The following ADAMTSL3 variants were observed in gnomAD, a reference collection of about 807,000 sequenced individuals.
The protein encoded by ADAMTSL3 is ADAMTS-like protein 3.
Under a neutral mutation model 201.7 loss-of-function variants are expected in ADAMTSL3, and 128 were observed. That is an observed-to-expected ratio of 0.63 (90% confidence interval 0.55 to 0.73). The LOEUF (loss-of-function observed/expected upper bound fraction) is 0.73. ADAMTSL3 is among the 30% of genes least tolerant of loss of function. The pLI is 0.00. For missense variants in ADAMTSL3, 1,990 were observed against 2,119.6 expected (o/e 0.94, Z 1.20); for synonymous variants, 738 against 748.4 (o/e 0.99, Z 0.23).
At chr15:83,858,187 G>C (rs1596321644) in intron 7 of ADAMTSL3, among the ~76,000 whole-genome samples, 1 of 152,230 alleles carries the variant, frequency 6.6e-6, no homozygotes, top group Non-Finnish European at 1.5e-5. Flanking sequence ...GATGTGGCTA[G>C]ATTTGGCCCA....
Position 83,838,147 on chromosome 15 carries a change from G to C in ADAMTSL3, c.659G>C (p.Cys220Ser). The C allele has an allele frequency of 6.2e-7, 1 of 1,613,400 alleles. No homozygotes were observed. The highest frequency in any genetic ancestry group is 8.5e-7 in the Non-Finnish European group (1 of 1,179,716). ...SNAKEDNCGV[C>S]AGDGSTCRLV... ...GCCAAGGAGGACAACTGTGGAGTCT[G>C]TGCCGGCGATGGCTCCACCTGCAGG... The change falls in exon 7 of 30, where the codon TGT becomes TCT. Residue 220 changes from cysteine (C) to serine (S), a missense_variant. Physicochemically the swap from Cys to Ser is moderately radical, Grantham distance 112 (BLOSUM62 -1). Transcript: ENST00000286744.
chr15:83,700,458 T>A (rs2061756624), intron 2 of ADAMTSL3, among the ~76,000 whole-genome samples: 1 of 152,192 alleles, frequency 6.6e-6, no homozygotes, highest in Non-Finnish European at 1.5e-5. Context: ...TAAGGTCTCT[T>A]TAGGTATTTA....
intron 8 of ADAMTSL3, among the ~76,000 whole-genome samples, chr15:83,863,232 A>T (rs1165956221): frequency 3.3e-5 from 5 of 152,182 alleles, no homozygotes; most frequent in African/African-American, 4.8e-5. Flanking sequence ...GTTAACAAGG[A>T]TATCCAGGAA....
chr15:83,887,893 A>G (rs1452187818), intron 10 of ADAMTSL3, among the ~76,000 whole-genome samples: 2 of 152,150 alleles, frequency 1.3e-5, no homozygotes, highest in Non-Finnish European at 2.9e-5. Context: ...GCTTGGCTCA[A>G]ACATCTATTT....
chr15:83,935,130 T>G (rs1005838692), intron 17 of ADAMTSL3, among the ~76,000 whole-genome samples: 7 of 152,222 alleles, frequency 4.6e-5, no homozygotes, highest in Admixed American at 2.0e-4. Flanking sequence ...GTCCAGACTT[T>G]ATCACTTTGC....
intron 15 of ADAMTSL3, among the ~76,000 whole-genome samples, chr15:83,908,385 A>G (rs2065877890): frequency 6.6e-6 from 1 of 152,252 alleles, no homozygotes; most frequent in Admixed American, 6.5e-5. Flanking sequence ...TAAGAATGCA[A>G]TGAATGTCTG....
chr15:83,655,712 T>C lies in ADAMTSL3; in HGVS notation c.-33-17T>C. On this transcript the variant is annotated splice_polypyrimidine_tract_variant and intron_variant, in intron 1 of 29. Coordinates refer to ENST00000286744, the MANE Select transcript of ADAMTSL3 (RefSeq NM_207517.3). The stretch of plus-strand genomic sequence containing the variant: ...GGGCCAGAGCTGGTTGGTAATGAAC[T>C]CTTTCCTCGTTTGTAGGCTACAACT... 6.3e-7 allele frequency: 1 copy of C among 1,592,568 alleles called. No individual in the cohort carries two copies. The highest frequency in any genetic ancestry group is 8.6e-7 in the Non-Finnish European group (1 of 1,161,556).
intron 15 of ADAMTSL3, among the ~76,000 whole-genome samples, chr15:83,904,759 G>A (rs1050767038): frequency 2.0e-5 from 3 of 152,308 alleles, no homozygotes; most frequent in African/African-American, 7.2e-5. Flanking sequence ...TAACACTTCA[G>A]CAAACTTGTT....
chr15:83,900,239 A>T (rs1208409388), intron 15 of ADAMTSL3, among the ~76,000 whole-genome samples: 1 of 152,190 alleles, frequency 6.6e-6, no homozygotes, highest in African/African-American at 2.4e-5. Context: ...TCTGTGTCTT[A>T]TTCTCCTTAC....
chr15:83,702,898 T>C (rs1252650191), intron 2 of ADAMTSL3, among the ~76,000 whole-genome samples: 1 of 152,168 alleles, frequency 6.6e-6, no homozygotes, highest in Non-Finnish European at 1.5e-5. Flanking sequence ...GTAGATCCAC[T>C]GACAGCTTGG....
chr15:83,971,619 C>T (rs910148719), intron 20 of ADAMTSL3, among the ~76,000 whole-genome samples: 2 of 149,578 alleles, frequency 1.3e-5, no homozygotes, highest in Admixed American at 6.6e-5. Flanking sequence ...ACATGTAAGC[C>T]GAGGGCGGCC....
chr15:84,002,936 C>CTTTTTTTTTTTTTT (rs368176543), intron 23 of ADAMTSL3, among the ~76,000 whole-genome samples: 4 of 99,982 alleles, frequency 4.0e-5, no homozygotes, highest in Non-Finnish European at 5.6e-5. Context: ...CTTTTCTTTT[C>CTTTTTTTTTTTTTT]TTTTTTTTTT....
At chr15:83,895,661 A>G (rs1436331914) in intron 13 of ADAMTSL3, among the ~76,000 whole-genome samples, 1 of 152,150 alleles carries the variant, frequency 6.6e-6, no homozygotes, top group Non-Finnish European at 1.5e-5. Context: ...GGCGGTTTAA[A>G]AGGAGAGGAT....
chr15:83,970,868 C>A (rs1418684275), intron 20 of ADAMTSL3, among the ~76,000 whole-genome samples: 1 of 152,200 alleles, frequency 6.6e-6, no homozygotes, highest in East Asian at 1.9e-4. Flanking sequence ...ATCTTTTAGG[C>A]TTCCTCATTT....
intron 2 of ADAMTSL3, among the ~76,000 whole-genome samples, chr15:83,689,105 G>A (rs1303743705): frequency 6.6e-6 from 1 of 152,212 alleles, no homozygotes; most frequent in Non-Finnish European, 1.5e-5. Flanking sequence ...TTACAGGTGT[G>A]AGCCACTGCA....
rs765282077 is a variant in ADAMTSL3 at position 83,891,969 on chromosome 15, C to T, written c.1262+590C>T. Among the ~76,000 whole-genome samples the T allele has an allele frequency of 3.3e-5, 5 of 151,020 alleles. No individual in the cohort carries two copies. The East Asian group carries it at 9.9e-4, about 30-fold the overall frequency. On this transcript the variant is annotated intron_variant, in intron 12 of 29. Transcript: ENST00000286744. ...GTGGCACATGCCTGTAATCCCAGCA[C>T]TTTGGGAGGCTAAGGCAGGCGGATC... is the stretch of plus-strand genomic sequence containing the variant.
At chr15:83,891,698 T>C (rs1430170711) in intron 12 of ADAMTSL3, among the ~76,000 whole-genome samples, 1 of 152,220 alleles carries the variant, frequency 6.6e-6, no homozygotes, top group Non-Finnish European at 1.5e-5. Context: ...GTATGGTCCT[T>C]CCTGACTCTG....
chr15:84,010,692 T>C (rs546323689), intron 23 of ADAMTSL3, among the ~76,000 whole-genome samples: 1 of 152,324 alleles, frequency 6.6e-6, no homozygotes, highest in Admixed American at 6.5e-5. Flanking sequence ...ATCTTAGAGC[T>C]AAAAGGGACC....
At chr15:83,662,828 A>C (rs1025603264) in intron 2 of ADAMTSL3, among the ~76,000 whole-genome samples, 2 of 152,118 alleles carry the variant, frequency 1.3e-5, no homozygotes, top group Non-Finnish European at 2.9e-5. Flanking sequence ...AAACAAGGAA[A>C]GGGGAAGGGG....
Sources: allele counts gnomAD v4.1 joint callset (sites outside exome capture counted in the v4.1 genomes callset), GRCh38; gene constraint gnomAD v4.1.1; transcripts MANE v1.5; gene names NCBI Gene and HGNC (gene_info 2026-07-23, HGNC 2026-07-21).